Variants in CSMD1 observed in about 807,000 individuals in gnomAD.
CSMD1 encodes CUB and sushi domain-containing protein 1.
CSMD1 carries 213 observed loss-of-function variants against 417.5 expected under a neutral mutation model. The ratio of observed to expected loss-of-function variants is 0.51; its 90% CI spans 0.46 to 0.57. The LOEUF (loss-of-function observed/expected upper bound fraction) is 0.57. CSMD1 is among the 20% of genes least tolerant of loss of function. The pLI, the probability that CSMD1 is intolerant of heterozygous loss-of-function variation, is 0.00. For missense variants in CSMD1, 6,923 were observed against 4,529.7 expected (o/e 1.53, Z -15.17); for synonymous variants, 2,862 against 1,736.8 (o/e 1.65, Z -16.11).
chr8:4,710,944 C>G (rs886076719), intron 1 of CSMD1, among the ~76,000 whole-genome samples: 1 of 152,026 alleles, frequency 6.6e-6, no homozygotes, highest in Non-Finnish European at 1.5e-5. Flanking sequence ...GGACCATGCC[C>G]TATCCTGAGA....
At chr8:4,188,252 C>G (rs966012496) in intron 3 of CSMD1, among the ~76,000 whole-genome samples, 1 of 152,142 alleles carries the variant, frequency 6.6e-6, no homozygotes, top group Admixed American at 6.5e-5. Flanking sequence ...AAACAGCGCA[C>G]TTTTGGAGGC....
intron 54 of CSMD1, among the ~76,000 whole-genome samples, chr8:2,994,206 AAAGT>A (rs1427464752): frequency 6.6e-6 from 1 of 151,524 alleles, no homozygotes; most frequent in Admixed American, 6.6e-5. Context: ...AGGAAGAAAG[AAAGT>A]AAGAAAACAA....
At position 4,733,903 on chromosome 8, in the gene CSMD1, G is replaced by GA. The variant is rs527788823; in HGVS notation, c.86-96346dup. ...GACCTGGGTAGCTTTTTGAATTCTG[G>GA]AAAAAAACAGACAAGGATAGCATTT... is the stretch of plus-strand genomic sequence containing the variant. On this transcript the variant is annotated intron_variant, in intron 1 of 69. Transcript: ENST00000635120. Among the ~76,000 whole-genome samples the GA allele has an allele frequency of 1.8e-3, 270 of 151,958 alleles. 1 individual carries two copies. Among genetic ancestry groups the GA allele is most frequent in the African/African-American group, 6.1e-3 (253 of 41,474 alleles).
At chr8:3,460,746 G>T (rs1036778897) in intron 12 of CSMD1, among the ~76,000 whole-genome samples, 1 of 152,192 alleles carries the variant, frequency 6.6e-6, no homozygotes. Flanking sequence ...TTATAAATCT[G>T]TTGTCCAAAT....
At chr8:3,934,505 G>C (rs1044892232) in intron 5 of CSMD1, among the ~76,000 whole-genome samples, 3 of 152,118 alleles carry the variant, frequency 2.0e-5, no homozygotes, top group Non-Finnish European at 4.4e-5. Flanking sequence ...TGAAGGAAAG[G>C]TAATGAGGCC....
chr8:3,590,707 G>C (rs1382249249), intron 8 of CSMD1, among the ~76,000 whole-genome samples: 1 of 152,136 alleles, frequency 6.6e-6, no homozygotes, highest in Non-Finnish European at 1.5e-5. Context: ...TCATTTGATT[G>C]CAGCTGGCAA....
At chr8:4,462,030 A>G (rs1392572533) in intron 2 of CSMD1, among the ~76,000 whole-genome samples, 2 of 151,510 alleles carry the variant, frequency 1.3e-5, no homozygotes, top group African/African-American at 2.4e-5. Context: ...CTGAGCCACC[A>G]CGTCTGGCTG....
chr8:3,996,289 C>G (rs571768037), intron 5 of CSMD1, among the ~76,000 whole-genome samples: 11 of 152,310 alleles, frequency 7.2e-5, no homozygotes, highest in Admixed American at 1.3e-4. Context: ...AAGCATATAA[C>G]TTCTGAGAAT....
At chr8:4,262,267 C>T (rs1012580617) in intron 3 of CSMD1, among the ~76,000 whole-genome samples, 2 of 152,142 alleles carry the variant, frequency 1.3e-5, no homozygotes, top group Non-Finnish European at 2.9e-5. Flanking sequence ...AGGATGCCCT[C>T]CCTCTGTTGA....
At chr8:4,041,183 A>T (rs1388025427) in intron 3 of CSMD1, among the ~76,000 whole-genome samples, 3 of 151,186 alleles carry the variant, frequency 2.0e-5, no homozygotes, top group Admixed American at 2.0e-4. Context: ...CGCCCGGCTA[A>T]TTTTTTTGTA....
intron 1 of CSMD1, among the ~76,000 whole-genome samples, chr8:4,680,869 T>C (rs1330820941): frequency 6.6e-6 from 1 of 151,824 alleles, no homozygotes; most frequent in Non-Finnish European, 1.5e-5. Context: ...TGTGAGCCAC[T>C]GTACCCAACC....
At chr8:3,179,883 A>T (rs1000680195) in intron 37 of CSMD1, among the ~76,000 whole-genome samples, 1 of 152,216 alleles carries the variant, frequency 6.6e-6, no homozygotes, top group Non-Finnish European at 1.5e-5. Flanking sequence ...AAACTTGCAG[A>T]CAAATGCCCA....
intron 12 of CSMD1, among the ~76,000 whole-genome samples, chr8:3,457,830 A>C (rs1816254923): frequency 1.3e-5 from 2 of 152,198 alleles, no homozygotes; most frequent in Admixed American, 6.5e-5. Flanking sequence ...TATCCGATGC[A>C]GGGATCCCAG....
chr8:4,464,926 G>A (rs1274222144), intron 2 of CSMD1, among the ~76,000 whole-genome samples: 2 of 152,048 alleles, frequency 1.3e-5, no homozygotes, highest in South Asian at 2.1e-4. Flanking sequence ...GGCTGAGCAC[G>A]AAGCCATATT....
intron 30 of CSMD1, among the ~76,000 whole-genome samples, chr8:3,210,665 CAT>C (rs1249766117): frequency 6.8e-6 from 1 of 147,636 alleles, no homozygotes; most frequent in South Asian, 2.1e-4. Flanking sequence ...TATAATTATA[CAT>C]ATATATACAC....
At chr8:3,718,968 A>G (rs1212200371) in intron 6 of CSMD1, among the ~76,000 whole-genome samples, 1 of 152,140 alleles carries the variant, frequency 6.6e-6, no homozygotes, top group East Asian at 1.9e-4. Flanking sequence ...CGAGAAGATA[A>G]GAAAGCGCAA....
At position 4,958,549 on chromosome 8, in the gene CSMD1, C is replaced by A. The variant is rs78455631; in HGVS notation, c.85+35783G>T. The stretch of plus-strand genomic sequence containing the variant: ...TATTCCCACAGTTAATTTATAAGCT[C>A]TTGAAATGAATAGAAATTCTGACAG... On this transcript the variant is annotated intron_variant, in intron 1 of 69. Transcript: ENST00000635120. 2.0e-4 allele frequency among the ~76,000 whole-genome samples: 31 copies of A among 152,282 alleles called. No homozygotes were observed. The East Asian group carries it at 5.6e-3, about 28-fold the overall frequency.
At chr8:4,748,394 C>G (rs74735063) in intron 1 of CSMD1, among the ~76,000 whole-genome samples, 1 of 152,156 alleles carries the variant, frequency 6.6e-6, no homozygotes, top group Non-Finnish European at 1.5e-5. Context: ...CTTTTTAAAT[C>G]TGAAACTAAG....
chr8:4,213,332 C>G (rs879890541), intron 3 of CSMD1, among the ~76,000 whole-genome samples: 1 of 152,110 alleles, frequency 6.6e-6, no homozygotes, highest in African/African-American at 2.4e-5. Context: ...ACATGCAATT[C>G]AGAGAGTTTC....
Sources: gnomAD v4.1 joint callset for allele counts (sites outside exome capture counted in the v4.1 genomes callset) on GRCh38, gnomAD v4.1.1 for gene constraint, MANE v1.5 for transcripts, NCBI Gene and HGNC (gene_info 2026-07-23, HGNC 2026-07-21) for gene names.